The following USP46 variants were observed in gnomAD, a reference collection of about 807,000 sequenced individuals.
USP46 encodes the protein ubiquitin carboxyl-terminal hydrolase 46.
In USP46, 12 loss-of-function variants were observed where a neutral mutation model predicts 44.4. That is an observed-to-expected ratio of 0.27 (90% CI 0.17 to 0.44). The LOEUF (loss-of-function observed/expected upper bound fraction) is 0.44. Among genes scored for constraint, USP46 ranks in the 20% least tolerant of loss-of-function variants. USP46 has a pLI of 1.00. For synonymous variants in USP46, 155 were observed against 161.5 expected (o/e 0.96, Z 0.31); for missense variants, 248 against 444.8 (o/e 0.56, Z 3.98).
At chr4:52,611,258 T>A (rs1716923475) in intron 4 of USP46, among the ~76,000 whole-genome samples, 1 of 152,222 alleles carries the variant, frequency 6.6e-6, no homozygotes, top group African/African-American at 2.4e-5. Flanking sequence ...AGGCCCGCCA[T>A]ACCGTGGGCA....
At chr4:52,603,274 G>C (rs1460323944) in intron 6 of USP46, among the ~76,000 whole-genome samples, 1 of 152,184 alleles carries the variant, frequency 6.6e-6, no homozygotes, top group Non-Finnish European at 1.5e-5. Context: ...TAAGGATGGG[G>C]GACAGACATG....
chr4:52,627,259 T>A (rs980998469), intron 3 of USP46, among the ~76,000 whole-genome samples: 5 of 152,324 alleles, frequency 3.3e-5, no homozygotes, highest in Middle Eastern at 3.4e-3. Flanking sequence ...AAAGAGACTT[T>A]ATAAAACAAA....
chr4:52,639,621 C>A (rs1209202361), intron 1 of USP46, among the ~76,000 whole-genome samples: 1 of 152,170 alleles, frequency 6.6e-6, no homozygotes, highest in Admixed American at 6.5e-5. Flanking sequence ...TATGGCCACA[C>A]CTAGCTGCAA....
rs551207270 is a variant in USP46, at chr4:52,593,034, C to T, written c.*4606G>A. On this transcript the variant is annotated 3_prime_UTR_variant, in exon 9 of 9. Transcript: ENST00000441222. ...ACCTCTTTTCTTCAGAAATGACCCA[C>T]GCTCAGGTATGTCTTTATAGCACTG... 10 of 397,868 alleles carry T rather than the reference C, an allele frequency of 2.5e-5. No homozygotes were observed. The highest frequency in any genetic ancestry group is 1.9e-4 in the African/African-American group (9 of 48,574). 24.6% of individuals were successfully genotyped at this position (397,868 alleles called of 1,614,324 possible). A position where few individuals can be genotyped will look rare whatever the true frequency, so the allele number is the denominator to read the frequency against.
intron 5 of USP46, among the ~76,000 whole-genome samples, chr4:52,606,223 T>C (rs1296069307): frequency 1.3e-5 from 2 of 152,130 alleles, no homozygotes; most frequent in Non-Finnish European, 2.9e-5. Context: ...AGGGAAAGTG[T>C]GCCAGGTGAA....
chr4:52,607,048 C>G (rs185406869), intron 5 of USP46, among the ~76,000 whole-genome samples: 1 of 152,268 alleles, frequency 6.6e-6, no homozygotes, highest in African/African-American at 2.4e-5. Flanking sequence ...TGCAGAGAAG[C>G]TGTACTACCA....
rs761898490 is a variant in USP46, at chr4:52,601,926, T to C, written c.851A>G (p.Asn284Ser). ...CAGGTTCACTGCATCACTGGAGGTG[T>C]TGAAGAGCCGGAGTTCCAGAGGGAA... is the stretch of plus-strand genomic sequence containing the variant. ...VVFPLELRLF[N>S]TSSDAVNLDR... Residue 284 changes from asparagine to serine, a missense_variant, in exon 7 of 9, where the codon AAC becomes AGC. Physicochemically the swap from Asn to Ser is conservative, Grantham distance 46. Transcript: ENST00000441222. The C allele has an allele frequency of 3.1e-6, 5 of 1,613,752 alleles. No individual in the cohort carries two copies. The highest frequency in any genetic ancestry group is 2.2e-5 in the East Asian group (1 of 44,896).
intron 5 of USP46, among the ~76,000 whole-genome samples, chr4:52,607,549 G>A (rs889454278): frequency 6.6e-6 from 1 of 152,074 alleles, no homozygotes; most frequent in African/African-American, 2.4e-5. Context: ...TACACTTTGG[G>A]GCTTGATATA....
intron 1 of USP46, among the ~76,000 whole-genome samples, chr4:52,651,482 T>C (rs1240414449): frequency 6.6e-6 from 1 of 152,194 alleles, no homozygotes; most frequent in Non-Finnish European, 1.5e-5. Flanking sequence ...CTTTGTTTAA[T>C]GAGGTAATAC....
chr4:52,606,325 T>C (rs1246637351), intron 5 of USP46, among the ~76,000 whole-genome samples: 1 of 152,170 alleles, frequency 6.6e-6, no homozygotes, highest in Non-Finnish European at 1.5e-5. Context: ...ATTAGTCTGT[T>C]CTCATGCTGC....
chr4:52,602,137 T>A lies in USP46; in HGVS notation c.723-83A>T. 2.1e-6 allele frequency: 3 copies of A among 1,443,192 alleles called. No homozygotes were observed. In the South Asian group the frequency reaches 4.2e-5, roughly 20 times the overall value. The allele number at this position is 1,443,192 out of a possible 1,614,324, so 89.4% of individuals were successfully genotyped here. ...TACACTGTCATCTGCACAAACAGAATAGTAGGAGGTTCTATCCAACTTCAA... is the reference window on the plus strand; with the variant it reads ...TACACTGTCATCTGCACAAACAGAAAAGTAGGAGGTTCTATCCAACTTCAA... On this transcript the variant is annotated intron_variant, in intron 6 of 8. Transcript: ENST00000441222.
intron 4 of USP46, among the ~76,000 whole-genome samples, chr4:52,621,745 T>C (rs927321891): frequency 6.6e-6 from 1 of 151,940 alleles, no homozygotes; most frequent in Non-Finnish European, 1.5e-5. Flanking sequence ...AATCTGAAGA[T>C]GCACATGCCC....
At chr4:52,621,286 A>T (rs1057497189) in intron 4 of USP46, among the ~76,000 whole-genome samples, 3 of 152,172 alleles carry the variant, frequency 2.0e-5, no homozygotes, top group Non-Finnish European at 4.4e-5. Flanking sequence ...AGATCTCACA[A>T]TCCAACAATG....
rs1716037203 is a variant in USP46, at chr4:52,592,006, G to A, written c.*5634C>T. ...TGTCCCTGAGCTAGAAGGCAGGCTG[G>A]GAAGAGTGTGGGGCTCCCAGGAAAA... On this transcript the variant is annotated 3_prime_UTR_variant, in exon 9 of 9. Coordinates refer to ENST00000441222, the MANE Select transcript of USP46 (RefSeq NM_022832.4). The A allele has an allele frequency of 6.6e-6, 1 of 152,170 alleles. No homozygotes were observed. The highest frequency in any genetic ancestry group is 2.1e-4 in the South Asian group (1 of 4,820). The allele number at this position is 152,170 out of a possible 1,614,324, so 9.4% of individuals were successfully genotyped here.
At chr4:52,656,387 AC>A in intron 1 of USP46, 1 of 1,197,002 alleles carries the variant, frequency 8.4e-7, no homozygotes, top group Non-Finnish European at 1.1e-6. Context: ...GTTTCCTCAT[AC>A]CCAGCCTTCT....
chr4:52,601,598 A>G (rs187291638), intron 7 of USP46, among the ~76,000 whole-genome samples: 37 of 152,350 alleles, frequency 2.4e-4, no homozygotes, highest in African/African-American at 8.9e-4. Flanking sequence ...AATTCTTCAT[A>G]ACCATCGTTT....
At chr4:52,650,274 T>C (rs539100388) in intron 1 of USP46, among the ~76,000 whole-genome samples, 184 of 152,322 alleles carry the variant, frequency 1.2e-3, no homozygotes, top group Middle Eastern at 3.4e-3. Context: ...GCAGTCAGAA[T>C]GAATAAACTC....
intron 1 of USP46, among the ~76,000 whole-genome samples, chr4:52,647,070 TACA>T (rs567862564): frequency 4.5e-4 from 68 of 152,332 alleles, no homozygotes; most frequent in Non-Finnish European, 9.1e-4. Flanking sequence ...GAAAACTACC[TACA>T]ACATGTCCTG....
At chr4:52,615,718 A>G in intron 4 of USP46, among the ~76,000 whole-genome samples, 1 of 152,214 alleles carries the variant, frequency 6.6e-6, no homozygotes, top group East Asian at 1.9e-4. Flanking sequence ...AGTGACCTCA[A>G]ATAAAACAGG....
Sources: gnomAD v4.1 joint callset for allele counts (sites outside exome capture counted in the v4.1 genomes callset) on GRCh38, gnomAD v4.1.1 for gene constraint, MANE v1.5 for transcripts, NCBI Gene and HGNC (gene_info 2026-07-23, HGNC 2026-07-21) for gene names.